Variants in PTPRB observed in about 807,000 individuals in gnomAD.
PTPRB encodes the protein receptor-type tyrosine-protein phosphatase beta.
PTPRB carries 97 observed loss-of-function variants against 238.1 expected under a neutral mutation model. That is an observed-to-expected ratio of 0.41 (90% CI 0.35 to 0.48). PTPRB has a LOEUF of 0.48. Among genes scored for constraint, PTPRB ranks in the 20% least tolerant of loss-of-function variants. The probability of loss-of-function intolerance (pLI) is 0.30; values close to 1 mark genes in which losing one functional copy is unlikely to be tolerated. For synonymous variants in PTPRB, 970 were observed against 995.4 expected, an observed-to-expected ratio of 0.97 and a Z score of 0.48; for missense variants, 2,292 against 2,681.9, an observed-to-expected ratio of 0.85 and a Z score of 3.21.
rs1233081846 is a variant in PTPRB, at chr12:70,560,946, G to A, written c.4169-12C>T. ...CACAGAGGCTGGGACTTAAACAGAA[G>A]AAAAATTGTTACTGAGAACAAAACA... On this transcript the variant is annotated splice_polypyrimidine_tract_variant and intron_variant, in intron 16 of 33. Coordinates refer to ENST00000334414, the MANE Select transcript of PTPRB (RefSeq NM_001109754.4). This position sits in a 1 kb window ranked among gnomAD's most constrained non-coding sequence, Gnocchi z 4.2. 2.5e-6 allele frequency: 4 copies of A among 1,607,688 alleles called. No homozygotes were observed. In the African/African-American group the frequency reaches 5.4e-5, roughly 22 times the overall value.
At chr12:70,633,737 A>C (rs1246478345) in intron 2 of PTPRB, among the ~76,000 whole-genome samples, 1 of 152,150 alleles carries the variant, frequency 6.6e-6, no homozygotes, top group Admixed American at 6.6e-5. Context: ...CTTATTTTCG[A>C]AGTCTATTAC....
At chr12:70,585,479 T>C (rs1434597379) in intron 9 of PTPRB, among the ~76,000 whole-genome samples, 1 of 151,736 alleles carries the variant, frequency 6.6e-6, no homozygotes, top group Admixed American at 6.6e-5. Flanking sequence ...ATCATGGGAG[T>C]GGTTTCCCCC....
intron 8 of PTPRB, among the ~76,000 whole-genome samples, chr12:70,587,829 G>T (rs144200780): frequency 3.3e-5 from 5 of 151,970 alleles, no homozygotes; most frequent in Non-Finnish European, 7.4e-5. Flanking sequence ...GGTTGGGTGC[G>T]GTGGCTCACA....
chr12:70,540,136 A>C (rs1189173936), intron 23 of PTPRB, 114 bp from the exon 24 acceptor site: 2 of 893,984 alleles, frequency 2.2e-6, no homozygotes, highest in Non-Finnish European at 3.4e-6. Context: ...TTCAGTATTC[A>C]TACAGATTTG....
rs6581948 is a variant in PTPRB at position 70,556,327 on chromosome 12, T to C, written c.4715-179A>G. ...GCATAAATCTCCCAGGGAACCAAGGTTGGGGTAGGAAAAGCTGGAGGACAG... is the reference window on the plus strand; with the variant it reads ...GCATAAATCTCCCAGGGAACCAAGGCTGGGGTAGGAAAAGCTGGAGGACAG... On this transcript the variant is annotated intron_variant, in intron 18 of 33. Transcript: ENST00000334414. 0.2 allele frequency among the ~76,000 whole-genome samples: 30,552 copies of C among 151,572 alleles called. 3,229 individuals are homozygous for C. Among genetic ancestry groups the C allele is most frequent in the South Asian group, 0.3 (1,432 of 4,808 alleles).
rs775372125 is a variant in PTPRB at position 70,524,583 on chromosome 12, A to G, written c.6513T>C (p.Tyr2171=). 2.5e-6 allele frequency: 4 copies of G among 1,609,574 alleles called. No homozygotes were observed. The highest frequency in any genetic ancestry group is 2.2e-5 in the East Asian group (1 of 44,666). The change falls in exon 33 of 34, where the codon TAT becomes TAC. Residue 2171 remains tyrosine (Y), a synonymous_variant. Transcript: ENST00000334414. ...RVHMVQTECQ[Y]VYLHQCVRDV... is the part of the protein sequence containing the mutation. ...CTCTTACACACTGATGTAGGTAGACATACTGACACTGTGGAAAAGCAGAAA... is the reference window on the plus strand; with the variant it reads ...CTCTTACACACTGATGTAGGTAGACGTACTGACACTGTGGAAAAGCAGAAA...
chr12:70,529,893 G>T lies in PTPRB; in HGVS notation c.6504+2142C>A, dbSNP rs568234702. 2.0e-5 allele frequency among the ~76,000 whole-genome samples: 3 copies of T among 152,114 alleles called. No homozygotes were observed. The East Asian group carries it at 5.8e-4, about 30-fold the overall frequency. ...GAAAGCCCTCAGCACCACCCATGAA[G>T]CATTGAGTTTAATCAGGCCTCTAGA... On this transcript the variant is annotated intron_variant, in intron 32 of 33. Transcript: ENST00000334414.
Position 70,540,873 on chromosome 12 carries a change from C to T in PTPRB, c.5579G>A (p.Cys1860Tyr), listed in dbSNP as rs945379017. Residue 1860 changes from cysteine (C) to tyrosine (Y), a missense_variant, in exon 23 of 34, where the codon TGC becomes TAC. Coordinates refer to ENST00000334414, the MANE Select transcript of PTPRB (RefSeq NM_001109754.4). ...MLVAVVALLI[C>Y]RQKVSHGRER... ...TTGTACTTACCTCACTTTCTGTCTG[C>T]AGATCAATAAGGCAACAACAGCCAC... is the stretch of plus-strand genomic sequence containing the variant. 1 of 1,601,308 alleles carries T rather than the reference C, an allele frequency of 6.2e-7. No individual in the cohort carries two copies. Among genetic ancestry groups the T allele is most frequent in the East Asian group, 2.2e-5 (1 of 44,594 alleles).
chr12:70,574,767 G>A (rs748523917), intron 11 of PTPRB, among the ~76,000 whole-genome samples: 1 of 152,180 alleles, frequency 6.6e-6, no homozygotes, highest in Non-Finnish European at 1.5e-5. Flanking sequence ...TTTGTCAGGG[G>A]CAATGATTTG....
At chr12:70,621,083 G>A (rs1384858151) in intron 3 of PTPRB, among the ~76,000 whole-genome samples, 1 of 152,214 alleles carries the variant, frequency 6.6e-6, no homozygotes, top group East Asian at 1.9e-4. Flanking sequence ...GAAAGGGTTT[G>A]AGAGCTGGAG....
intron 26 of PTPRB, 139 bp from the exon 27 acceptor site, chr12:70,539,153 T>G: frequency 1.4e-6 from 1 of 697,926 alleles, no homozygotes; most frequent in Non-Finnish European, 2.5e-6. Flanking sequence ...CAACATGCAT[T>G]AGCCCTGATC....
At chr12:70,620,735 T>A (rs1884892080) in intron 3 of PTPRB, among the ~76,000 whole-genome samples, 2 of 152,182 alleles carry the variant, frequency 1.3e-5, no homozygotes, top group Admixed American at 1.3e-4. Flanking sequence ...CTGGAGGCCA[T>A]TATCTTAAGA....
chr12:70,576,481 A>T lies in PTPRB; in HGVS notation c.2743T>A (p.Cys915Ser). ...SLVIAKSVRE[C>S]SFSSLTPGRL... The stretch of plus-strand genomic sequence containing the variant: ...CCTGGGGTGAGGGAGCTGAAGGAAC[A>T]TTCTCTGACAGACTTGGCAATGACA... Residue 915 changes from cysteine to serine, a missense_variant, in exon 11 of 34, where the codon TGT (cysteine) becomes AGT (serine). Physicochemically the swap from Cys to Ser is moderately radical, Grantham distance 112. This residue lies in a region of PTPRB where 1,205 missense variants were observed against 1,287.8 expected (regional missense o/e 0.94). Coordinates refer to ENST00000334414, the MANE Select transcript of PTPRB (RefSeq NM_001109754.4). The T allele has an allele frequency of 6.3e-7, 1 of 1,587,670 alleles. No individual in the cohort carries two copies. The highest frequency in any genetic ancestry group is 8.6e-7 in the Non-Finnish European group (1 of 1,165,530).
intron 2 of PTPRB, among the ~76,000 whole-genome samples, chr12:70,633,850 C>T (rs1187427294): frequency 6.6e-6 from 1 of 151,740 alleles, no homozygotes; most frequent in Non-Finnish European, 1.5e-5. Flanking sequence ...TTTTAAAGTT[C>T]CAACTAAGTA....
At chr12:70,583,509 A>AT (rs1881592260) in intron 9 of PTPRB, among the ~76,000 whole-genome samples, 1 of 152,078 alleles carries the variant, frequency 6.6e-6, no homozygotes, top group African/African-American at 2.4e-5. Context: ...TAAAGTGTAG[A>AT]TTTTTCCAGG....
intron 15 of PTPRB, among the ~76,000 whole-genome samples, chr12:70,564,245 C>T (rs1364111610): frequency 6.6e-6 from 1 of 152,226 alleles, no homozygotes; most frequent in Non-Finnish European, 1.5e-5. Flanking sequence ...GGTGCAGTGG[C>T]TCATGCCTGT....
In PTPRB at chr12:70,560,012, T is replaced by G. The variant is rs559054559; in HGVS notation, c.4433-388A>C. ...CCACTACACCTGGCTAATTGTTGTA[T>G]TTTTAGTAGAGACAGGGTTTCCTCT... On this transcript the variant is annotated intron_variant, in intron 17 of 33. Coordinates refer to ENST00000334414, the MANE Select transcript of PTPRB (RefSeq NM_001109754.4). The surrounding 1 kb of genome is among the most constrained non-coding windows in gnomAD (Gnocchi z 4.2). 4.4e-4 allele frequency among the ~76,000 whole-genome samples: 67 copies of G among 152,142 alleles called. No individual in the cohort carries two copies. Among genetic ancestry groups the G allele is most frequent in the Middle Eastern group, 3.4e-3 (1 of 294 alleles).
At chr12:70,625,333 T>C (rs1226489977) in intron 2 of PTPRB, among the ~76,000 whole-genome samples, 1 of 152,206 alleles carries the variant, frequency 6.6e-6, no homozygotes, top group Admixed American at 6.5e-5. Context: ...GTCCTGCTCC[T>C]GGAAACTGCG....
intron 4 of PTPRB, among the ~76,000 whole-genome samples, chr12:70,596,736 A>G (rs1883060057): frequency 6.6e-6 from 1 of 152,178 alleles, no homozygotes; most frequent in Non-Finnish European, 1.5e-5. Context: ...ATATTAAGAA[A>G]TAATTTGAAA....
Sources: gnomAD v4.1 joint callset for allele counts (sites outside exome capture counted in the v4.1 genomes callset) on GRCh38, gnomAD v4.1.1 for gene constraint, gnomAD v4.1.1 regional missense constraint, Gnocchi (gnomAD v3.1) non-coding constraint, MANE v1.5 for transcripts, NCBI Gene and HGNC (gene_info 2026-07-23, HGNC 2026-07-21) for gene names.